Variants in THSD7B observed in about 807,000 individuals in gnomAD.
THSD7B encodes the protein thrombospondin type 1 domain containing 7B, also known as thrombospondin type-1 domain-containing protein 7B.
THSD7B carries 138 observed loss-of-function variants against 213.6 expected under a neutral mutation model. That is an observed-to-expected ratio of 0.65 (90% confidence interval 0.56 to 0.74). THSD7B has a LOEUF of 0.74. Among genes scored for constraint, THSD7B ranks in the 30% least tolerant of loss-of-function variants. THSD7B has a pLI of 0.00. For missense variants in THSD7B, 1,931 were observed against 1,991.5 expected, an observed-to-expected ratio of 0.97 and a Z score of 0.58; for synonymous variants, 742 against 687.0, an observed-to-expected ratio of 1.08 and a Z score of -1.25.
At chr2:137,397,143 T>G (rs547252103) in intron 12 of THSD7B, among the ~76,000 whole-genome samples, 56 of 151,902 alleles carry the variant, frequency 3.7e-4, no homozygotes, top group Admixed American at 1.2e-3. Context: ...ATCTTTTAAT[T>G]GGAGCATTTA....
In THSD7B at chr2:137,450,991, C is replaced by A; in HGVS notation, c.3106C>A (p.Arg1036=). The change falls in exon 15 of 28, where the codon CGA becomes AGA. Residue 1036 remains arginine (R), a synonymous_variant. Coordinates refer to ENST00000409968, the MANE Select transcript of THSD7B (RefSeq NM_001316349.2). ...AAAAGAAAAACCTTACAATGGAGGA[C>A]GACCATGTCCCAAACTGGATCTCAA... ...WLKEKPYNGG[R]PCPKLDLKNQ... is the part of the protein sequence containing the mutation. 1 of 1,605,628 alleles carries A rather than the reference C, an allele frequency of 6.2e-7. No homozygotes were observed. The highest frequency in any genetic ancestry group is 8.5e-7 in the Non-Finnish European group (1 of 1,175,794).
At chr2:137,097,366 T>C (rs1219507232) in intron 4 of THSD7B, among the ~76,000 whole-genome samples, 1 of 152,198 alleles carries the variant, frequency 6.6e-6, no homozygotes. Flanking sequence ...CCAATAATTA[T>C]AGCAGAGTTA....
At chr2:137,471,799 A>T (rs902050152) in intron 15 of THSD7B, among the ~76,000 whole-genome samples, 3 of 152,140 alleles carry the variant, frequency 2.0e-5, no homozygotes, top group African/African-American at 7.2e-5. Context: ...CTGTGGGGAA[A>T]GGTGTCGCTG....
At chr2:136,837,573 T>C (rs2104952792) in intron 1 of THSD7B, among the ~76,000 whole-genome samples, 1 of 152,352 alleles carries the variant, frequency 6.6e-6, no homozygotes, top group African/African-American at 2.4e-5. Flanking sequence ...ATAGCACTTC[T>C]CATTACCTGA....
intron 4 of THSD7B, among the ~76,000 whole-genome samples, chr2:137,110,605 G>A (rs1208959376): frequency 6.6e-6 from 1 of 152,204 alleles, no homozygotes; most frequent in African/African-American, 2.4e-5. Context: ...AATGAGCAGG[G>A]AGCAATGTTG....
intron 1 of THSD7B, among the ~76,000 whole-genome samples, chr2:136,785,120 A>G (rs2104909441): frequency 6.6e-6 from 1 of 152,284 alleles, no homozygotes; most frequent in Admixed American, 6.5e-5. Context: ...GCATCCTCTG[A>G]GGTGTTAAAC....
chr2:137,653,216 A>AT (rs946548755), intron 21 of THSD7B, among the ~76,000 whole-genome samples: 2 of 151,552 alleles, frequency 1.3e-5, no homozygotes, highest in Admixed American at 6.6e-5. Context: ...TGGGCAGTGG[A>AT]TTTTTTTTCT....
At chr2:137,659,625 T>C (rs1396147519) in intron 24 of THSD7B, 39 bp from the exon 25 acceptor site, 3 of 1,542,638 alleles carry the variant, frequency 1.9e-6, no homozygotes, top group Non-Finnish European at 2.6e-6. Context: ...AAATATCTAA[T>C]AGAGAAATCT....
At chr2:136,890,185 G>C (rs1683790349) in intron 2 of THSD7B, among the ~76,000 whole-genome samples, 1 of 151,754 alleles carries the variant, frequency 6.6e-6, no homozygotes, top group South Asian at 2.1e-4. Flanking sequence ...TTTTATCCAT[G>C]AAGTCTGAAA....
Position 137,393,750 on chromosome 2 carries a change from T to C in THSD7B, c.2501-11863T>C, listed in dbSNP as rs1231071556. Reference sequence around the variant, plus strand: ...GGAATCACCACACTGACGTCCACAATGGTTGAACTAGTTTACAGTACCACC... The same window carrying C: ...GGAATCACCACACTGACGTCCACAACGGTTGAACTAGTTTACAGTACCACC... On this transcript the variant is annotated intron_variant, in intron 12 of 27. Transcript: ENST00000409968. Among the ~76,000 whole-genome samples the C allele has an allele frequency of 1.4e-5, 2 of 141,028 alleles. 1 individual carries two copies. 92.5% of individuals were successfully genotyped at this position (141,028 alleles called of 152,430 possible).
Position 137,642,378 on chromosome 2 carries a change from A to G in THSD7B, c.3800-110A>G, listed in dbSNP as rs1488923490. 3.8e-6 allele frequency: 5 copies of G among 1,308,144 alleles called. No individual in the cohort carries two copies. The East Asian group carries it at 1.2e-4, about 31-fold the overall frequency. The allele number at this position is 1,308,144 out of a possible 1,614,324, so 81.0% of individuals were successfully genotyped here. ...AAAAACTAAAAGTGAGATAGGACAG[A>G]GTTCAGTCTATTAAAATGAAGACTT... On this transcript the variant is annotated intron_variant, in intron 20 of 27. Coordinates refer to ENST00000409968, the MANE Select transcript of THSD7B (RefSeq NM_001316349.2).
At chr2:137,603,370 CA>C (rs1682111407) in intron 17 of THSD7B, among the ~76,000 whole-genome samples, 1 of 152,140 alleles carries the variant, frequency 6.6e-6, no homozygotes, top group Non-Finnish European at 1.5e-5. Context: ...ACACTTCTTC[CA>C]ATGAGTCCTG....
At chr2:137,178,434 A>G (rs1228626569) in intron 7 of THSD7B, among the ~76,000 whole-genome samples, 5 of 152,184 alleles carry the variant, frequency 3.3e-5, no homozygotes, top group Non-Finnish European at 7.3e-5. Context: ...AAATTTTGAA[A>G]TGAACCTGAC....
intron 15 of THSD7B, among the ~76,000 whole-genome samples, chr2:137,534,472 C>T (rs1680464057): frequency 6.6e-6 from 1 of 151,606 alleles, no homozygotes; most frequent in Non-Finnish European, 1.5e-5. Flanking sequence ...AATACAGGTT[C>T]TCTGAGGAAA....
chr2:137,376,525 A>G (rs537414477), intron 12 of THSD7B, among the ~76,000 whole-genome samples: 1 of 152,310 alleles, frequency 6.6e-6, no homozygotes, highest in East Asian at 1.9e-4. Context: ...TTGAAGAGAT[A>G]CAGGTGAAAC....
intron 17 of THSD7B, among the ~76,000 whole-genome samples, chr2:137,602,251 G>C (rs748203698): frequency 4.4e-4 from 67 of 151,886 alleles, no homozygotes; most frequent in Non-Finnish European, 7.7e-4. Context: ...TTTCTTTCTC[G>C]TTTTTTTGTT....
At chr2:137,338,297 A>T (rs544985930) in intron 12 of THSD7B, among the ~76,000 whole-genome samples, 1 of 152,170 alleles carries the variant, frequency 6.6e-6, no homozygotes, top group East Asian at 1.9e-4. Flanking sequence ...AGGAACTCTA[A>T]GGGACCTAGG....
intron 12 of THSD7B, among the ~76,000 whole-genome samples, chr2:137,404,460 TATATATATATATATAC>T (rs1471332394): frequency 3.1e-4 from 32 of 102,328 alleles, no homozygotes; most frequent in African/African-American, 7.1e-4. Context: ...TATATATATA[TATATATATATATATAC>T]ACACACACAC....
intron 17 of THSD7B, among the ~76,000 whole-genome samples, chr2:137,586,019 C>T (rs1200951091): frequency 6.9e-6 from 1 of 145,228 alleles, no homozygotes; most frequent in Non-Finnish European, 1.5e-5. Context: ...TCTGGGTGCT[C>T]CTGTATTGGG....
Sources: allele counts gnomAD v4.1 joint callset (sites outside exome capture counted in the v4.1 genomes callset), GRCh38; gene constraint gnomAD v4.1.1; transcripts MANE v1.5; gene names NCBI Gene and HGNC (gene_info 2026-07-23, HGNC 2026-07-21).